Variants in PTPRQ observed in about 807,000 individuals in gnomAD.
PTPRQ encodes the protein protein tyrosine phosphatase receptor type Q, also known as phosphatidylinositol phosphatase PTPRQ.
PTPRQ carries 199 observed loss-of-function variants against 246.0 expected under a neutral mutation model. The observed-to-expected ratio is 0.81, with a 90% CI of 0.72 to 0.91. The LOEUF (loss-of-function observed/expected upper bound fraction) is 0.91. Among genes scored for constraint, PTPRQ ranks in the 40% least tolerant of loss-of-function variants. PTPRQ has a pLI of 0.00. For synonymous variants in PTPRQ, 869 were observed against 853.2 expected (o/e 1.02, Z -0.32); for missense variants, 2,624 against 2,528.4 (o/e 1.04, Z -0.81).
At chr12:80,548,653 A>G (rs146079400) in intron 24 of PTPRQ, among the ~76,000 whole-genome samples, 18 of 150,410 alleles carry the variant, frequency 1.2e-4, no homozygotes, top group Admixed American at 8.5e-4. Flanking sequence ...TTTGTAATCC[A>G]CAAATTGACT....
intron 24 of PTPRQ, 131 bp from the exon 25 acceptor site, chr12:80,549,334 C>G: frequency 8.7e-7 from 1 of 1,144,284 alleles, no homozygotes; most frequent in Non-Finnish European, 1.2e-6. Flanking sequence ...TTTAAGCACA[C>G]ATTGAAAATT....
intron 34 of PTPRQ, among the ~76,000 whole-genome samples, chr12:80,633,026 C>T (rs749490071): frequency 2.0e-5 from 3 of 152,158 alleles, no homozygotes; most frequent in Non-Finnish European, 4.4e-5. Flanking sequence ...TTCCTACTGC[C>T]TCTCAGGGTC....
chr12:80,449,357 T>C (rs1402317710), intron 3 of PTPRQ, among the ~76,000 whole-genome samples: 6 of 152,230 alleles, frequency 3.9e-5, no homozygotes, highest in African/African-American at 9.7e-5. Flanking sequence ...TTTCTTTTGC[T>C]GTGCAGAAGC....
chr12:80,658,067 T>C lies in PTPRQ; in HGVS notation c.6192+6T>C. On this transcript the variant is annotated splice_donor_region_variant and intron_variant, in intron 39 of 44. Transcript: ENST00000644991. ...TTAATGCCAGCTATATTTCTGTAAG[T>C]TACTATTTTATATATTTTATAATTG... 1 of 1,342,148 alleles carries C rather than the reference T, an allele frequency of 7.5e-7. No individual in the cohort carries two copies. The allele number at this position is 1,342,148 out of a possible 1,614,324, so 83.1% of individuals were successfully genotyped here.
At chr12:80,529,672 GA>G (rs566558049) in intron 17 of PTPRQ, among the ~76,000 whole-genome samples, 51 of 149,316 alleles carry the variant, frequency 3.4e-4, no homozygotes, top group African/African-American at 8.9e-4. Flanking sequence ...TATGTCTTTT[GA>G]AAAAAAAATG....
At chr12:80,546,300 GA>G (rs954837130) in intron 23 of PTPRQ, among the ~76,000 whole-genome samples, 39 of 139,776 alleles carry the variant, frequency 2.8e-4, no homozygotes, top group East Asian at 1.0e-3. Context: ...ACTCTGTCAA[GA>G]AAAAAAAAAA....
chr12:80,620,570 A>G (rs192583432), intron 32 of PTPRQ, among the ~76,000 whole-genome samples, 194 bp downstream of exon 32: 1 of 151,972 alleles, frequency 6.6e-6, no homozygotes, highest in East Asian at 1.9e-4. Context: ...ATACAGTATT[A>G]TAGGGGAAGC....
chr12:80,605,708 C>T (rs1898292760), intron 27 of PTPRQ, among the ~76,000 whole-genome samples: 1 of 150,686 alleles, frequency 6.6e-6, no homozygotes, highest in Admixed American at 6.6e-5. Context: ...AAGCCTCATT[C>T]AAGAAAAATC....
intron 12 of PTPRQ, among the ~76,000 whole-genome samples, chr12:80,495,747 A>G (rs147929202): frequency 1.3e-5 from 2 of 152,150 alleles, no homozygotes; most frequent in Admixed American, 1.3e-4. Flanking sequence ...AGTCAACTAT[A>G]CACCCTGCAG....
At chr12:80,491,974 G>T (rs149120677) in intron 9 of PTPRQ, among the ~76,000 whole-genome samples, 18 of 151,706 alleles carry the variant, frequency 1.2e-4, no homozygotes, top group African/African-American at 4.3e-4. Flanking sequence ...ATAAGGAATA[G>T]AATTTTTTTA....
intron 38 of PTPRQ, among the ~76,000 whole-genome samples, chr12:80,654,668 T>G (rs1900370009): frequency 1.4e-5 from 2 of 143,160 alleles, no homozygotes; most frequent in African/African-American, 2.6e-5. Flanking sequence ...GCAAATGTGG[T>G]GAAACCCCAT....
At chr12:80,645,195 G>A (rs997657768) in intron 35 of PTPRQ, among the ~76,000 whole-genome samples, 1 of 152,006 alleles carries the variant, frequency 6.6e-6, no homozygotes. Context: ...TTTATCACTT[G>A]AGTAGGCAAG....
intron 8 of PTPRQ, among the ~76,000 whole-genome samples, chr12:80,473,061 A>G (rs1315410217): frequency 2.0e-5 from 3 of 151,528 alleles, no homozygotes; most frequent in African/African-American, 4.9e-5. Context: ...ACACACACAC[A>G]CACACACACA....
At chr12:80,581,647 G>A (rs1897438895) in intron 25 of PTPRQ, among the ~76,000 whole-genome samples, 1 of 151,710 alleles carries the variant, frequency 6.6e-6, no homozygotes, top group South Asian at 2.1e-4. Flanking sequence ...GAAAAAAAAA[G>A]TAAAAATTTC....
At chr12:80,609,758 G>T (rs1250393129) in intron 27 of PTPRQ, among the ~76,000 whole-genome samples, 1 of 150,458 alleles carries the variant, frequency 6.6e-6, no homozygotes, top group East Asian at 1.9e-4. Context: ...AAATGAGGTG[G>T]AATAAAGTTA....
Position 80,495,248 on chromosome 12 carries a change from T to G in PTPRQ, c.1759T>G (p.Leu587Val). The G allele has an allele frequency of 6.5e-7, 1 of 1,542,634 alleles. No individual in the cohort carries two copies. Among genetic ancestry groups the G allele is most frequent in the Non-Finnish European group, 8.7e-7 (1 of 1,144,334 alleles). ...AAATATTAGTTCTTCATCTATTTTG[T>G]TATATTGGGATCCTCCAGAATATCC... ...YKNISSSSIL[L>V]YWDPPEYPNG... The change falls in exon 12 of 45, where the codon TTA becomes GTA. Residue 587 changes from leucine (L) to valine (V), a missense_variant. By Grantham distance (32) the Leu-to-Val change is conservative. Coordinates refer to ENST00000644991, the MANE Select transcript of PTPRQ (RefSeq NM_001145026.2).
intron 25 of PTPRQ, among the ~76,000 whole-genome samples, chr12:80,578,074 T>C (rs896588673): frequency 1.3e-5 from 2 of 152,108 alleles, no homozygotes; most frequent in Admixed American, 6.5e-5. Context: ...TTTTTAATTT[T>C]TATTTTTTAT....
In PTPRQ at chr12:80,576,491, A is replaced by G. The variant is rs148264891; in HGVS notation, c.4286-11638A>G. On this transcript the variant is annotated intron_variant, in intron 25 of 44. Transcript: ENST00000644991. Reference sequence around the variant, plus strand: ...AAGATATTTTAAATAACATTCAATTATATTCAACATTTGGTGGAACTTGTA... The same window carrying G: ...AAGATATTTTAAATAACATTCAATTGTATTCAACATTTGGTGGAACTTGTA... 2.0e-3 allele frequency among the ~76,000 whole-genome samples: 303 copies of G among 152,256 alleles called. 3 individuals carry two copies. The highest frequency in any genetic ancestry group is 6.9e-3 in the African/African-American group (287 of 41,554).
chr12:80,643,551 T>C (rs1431653338), intron 35 of PTPRQ, among the ~76,000 whole-genome samples: 16 of 152,170 alleles, frequency 1.1e-4, no homozygotes, highest in Non-Finnish European at 2.4e-4. Context: ...TAAATTTATA[T>C]TGAGCACCAC....
Sources: allele counts gnomAD v4.1 joint callset (sites outside exome capture counted in the v4.1 genomes callset), GRCh38; gene constraint gnomAD v4.1.1; transcripts MANE v1.5; gene names NCBI Gene and HGNC (gene_info 2026-07-23, HGNC 2026-07-21).